CCSER1: variants seen among roughly 807,000 people sequenced by gnomAD.
CCSER1 encodes the protein serine-rich coiled-coil domain-containing protein 1.
CCSER1 carries 41 observed loss-of-function variants against 82.0 expected under a neutral mutation model. That is an observed-to-expected ratio of 0.50 (90% confidence interval 0.39 to 0.65). The LOEUF (loss-of-function observed/expected upper bound fraction) is 0.65, where lower values mean the gene tolerates loss of function less well. CCSER1 is among the 30% of genes least tolerant of loss of function. CCSER1 has a pLI of 0.00. For synonymous variants in CCSER1, 414 were observed against 383.9 expected (o/e 1.08, Z -0.92); for missense variants, 1,119 against 1,064.2 (o/e 1.05, Z -0.72).
chr4:91,544,508 G>C (rs1158414398), intron 10 of CCSER1, among the ~76,000 whole-genome samples: 1 of 152,092 alleles, frequency 6.6e-6, no homozygotes, highest in Non-Finnish European at 1.5e-5. Context: ...TGTCCTTTCT[G>C]TTTGTTAGTT....
At chr4:90,965,912 T>A (rs989482025) in intron 9 of CCSER1, among the ~76,000 whole-genome samples, 1 of 152,006 alleles carries the variant, frequency 6.6e-6, no homozygotes, top group Non-Finnish European at 1.5e-5. Flanking sequence ...AGCAAAGAGA[T>A]AGGAAATATT....
chr4:90,836,466 A>T (rs1761824255), intron 8 of CCSER1, among the ~76,000 whole-genome samples: 1 of 152,084 alleles, frequency 6.6e-6, no homozygotes, highest in Non-Finnish European at 1.5e-5. Flanking sequence ...TCACTCTTGG[A>T]GTTTCTGGTA....
At chr4:91,163,131 G>A (rs1186147857) in intron 10 of CCSER1, among the ~76,000 whole-genome samples, 1 of 152,124 alleles carries the variant, frequency 6.6e-6, no homozygotes, top group Non-Finnish European at 1.5e-5. Flanking sequence ...GGTATGTTGT[G>A]TCTTTGTTCT....
chr4:90,868,217 G>C (rs1048042307), intron 8 of CCSER1, among the ~76,000 whole-genome samples: 6 of 151,262 alleles, frequency 4.0e-5, no homozygotes, highest in Non-Finnish European at 8.8e-5. Context: ...TACTCTTTAA[G>C]TTATTTTTAA....
chr4:91,165,970 A>ACT (rs1384889276), intron 10 of CCSER1, among the ~76,000 whole-genome samples: 1 of 152,246 alleles, frequency 6.6e-6, no homozygotes, highest in East Asian at 1.9e-4. Flanking sequence ...GAGATGAACC[A>ACT]GGTACCTCAG....
chr4:90,938,574 T>G, intron 9 of CCSER1: 2 of 248,848 alleles, frequency 8.0e-6, no homozygotes, highest in Non-Finnish European at 1.7e-5. Flanking sequence ...TGTTGGTCTG[T>G]GTTTGTTAAA....
intron 10 of CCSER1, among the ~76,000 whole-genome samples, chr4:91,348,409 C>G (rs1258669954): frequency 6.6e-6 from 1 of 151,916 alleles, no homozygotes; most frequent in Non-Finnish European, 1.5e-5. Flanking sequence ...CATCTATGTT[C>G]CTGAGAGATA....
intron 10 of CCSER1, among the ~76,000 whole-genome samples, chr4:91,151,467 C>T (rs894430369): frequency 6.6e-6 from 1 of 152,008 alleles, no homozygotes; most frequent in African/African-American, 2.4e-5. Context: ...GTCTCTATTT[C>T]CTTCAGTTCT....
At chr4:90,900,129 T>C (rs953590068) in intron 8 of CCSER1, among the ~76,000 whole-genome samples, 2 of 148,824 alleles carry the variant, frequency 1.3e-5, no homozygotes, top group African/African-American at 2.5e-5. Context: ...TTTTTATTAC[T>C]GATTCAATTT....
chr4:91,139,865 C>A (rs1052795062), intron 10 of CCSER1, among the ~76,000 whole-genome samples: 2 of 152,018 alleles, frequency 1.3e-5, no homozygotes, highest in African/African-American at 4.8e-5. Context: ...TTTTTTCAGC[C>A]AGTCCATTGA....
intron 9 of CCSER1, among the ~76,000 whole-genome samples, chr4:91,050,744 G>T (rs1196238298): frequency 6.6e-6 from 1 of 152,118 alleles, no homozygotes; most frequent in African/African-American, 2.4e-5. Flanking sequence ...AGCATCAGAG[G>T]CCAGTCCAGA....
At chr4:90,616,554 A>C (rs1341614115) in intron 5 of CCSER1, among the ~76,000 whole-genome samples, 1 of 151,752 alleles carries the variant, frequency 6.6e-6, no homozygotes, top group African/African-American at 2.4e-5. Flanking sequence ...GTGTGGTAGC[A>C]CACGCCTCTA....
chr4:91,373,494 T>C (rs1413887725), intron 10 of CCSER1, among the ~76,000 whole-genome samples: 1 of 152,210 alleles, frequency 6.6e-6, no homozygotes, highest in East Asian at 1.9e-4. Flanking sequence ...GTTTTAATTG[T>C]TTTGGGACAC....
At chr4:90,406,203 G>A (rs185138415) in intron 4 of CCSER1, among the ~76,000 whole-genome samples, 5 of 152,200 alleles carry the variant, frequency 3.3e-5, no homozygotes, top group Non-Finnish European at 7.4e-5. Flanking sequence ...AAATTGAGCA[G>A]GAGTAGCTAT....
At chr4:90,927,568 T>C in intron 9 of CCSER1, among the ~76,000 whole-genome samples, 1 of 152,026 alleles carries the variant, frequency 6.6e-6, no homozygotes, top group African/African-American at 2.4e-5. Flanking sequence ...CCACTGTTTA[T>C]TTTTTCAAAT....
At chr4:90,727,321 A>T (rs1186375849) in intron 7 of CCSER1, 3 of 455,194 alleles carry the variant, frequency 6.6e-6, no homozygotes, top group Middle Eastern at 6.5e-4. Flanking sequence ...GTTATCAAAC[A>T]TCAACAACAG....
intron 8 of CCSER1, among the ~76,000 whole-genome samples, chr4:90,897,608 A>G (rs1723911464): frequency 1.3e-5 from 2 of 152,028 alleles, no homozygotes; most frequent in South Asian, 4.1e-4. Context: ...TAAGAGTGCA[A>G]GTGTCTTTTT....
intron 10 of CCSER1, among the ~76,000 whole-genome samples, chr4:91,234,179 C>T (rs781639335): frequency 1.3e-5 from 2 of 152,006 alleles, no homozygotes; most frequent in African/African-American, 2.4e-5. Flanking sequence ...AGAGTTTCAA[C>T]TTTGCATTAG....
chr4:91,228,293 A>G (rs1245770991), intron 10 of CCSER1, among the ~76,000 whole-genome samples: 1 of 152,144 alleles, frequency 6.6e-6, no homozygotes, highest in East Asian at 1.9e-4. Flanking sequence ...AGAAGTACGT[A>G]TCTAGTTTTT....
Sources: gnomAD v4.1 joint callset for allele counts (sites outside exome capture counted in the v4.1 genomes callset) on GRCh38, gnomAD v4.1.1 for gene constraint, MANE v1.5 for transcripts, NCBI Gene and HGNC (gene_info 2026-07-23, HGNC 2026-07-21) for gene names.